DPP6: variants seen among roughly 807,000 people sequenced by gnomAD.
DPP6 encodes A-type potassium channel modulatory protein DPP6.
In DPP6, 69 loss-of-function variants were observed where a neutral mutation model predicts 122.6. The ratio of observed to expected loss-of-function variants is 0.56; its 90% CI spans 0.46 to 0.69. DPP6 has a LOEUF of 0.69. DPP6 is among the 30% of genes least tolerant of loss of function. The pLI, the probability that DPP6 is intolerant of heterozygous loss-of-function variation, is 0.00. For synonymous variants in DPP6, 418 were observed against 433.1 expected (o/e 0.97, Z 0.43); for missense variants, 928 against 1,116.9 (o/e 0.83, Z 2.41).
At chr7:154,337,271 G>A (rs6974419) in intron 1 of DPP6, among the ~76,000 whole-genome samples, 10,381 of 152,090 alleles carry the variant, frequency 0.068, 1,090 homozygotes, top group African/African-American at 0.23. Flanking sequence ...AAATGCCCCC[G>A]GCCAGGGTGG....
the DPP6 span, among the ~76,000 whole-genome samples, chr7:153,816,869 C>T: frequency 2.6e-5 from 4 of 152,004 alleles, no homozygotes; most frequent in Admixed American, 6.6e-5. Flanking sequence ...TCTTACCAAG[C>T]CTCTCTCCCC....
intron 1 of DPP6, among the ~76,000 whole-genome samples, chr7:153,952,066 A>C (rs1802243910): frequency 1.3e-5 from 2 of 152,276 alleles, no homozygotes; most frequent in Non-Finnish European, 1.5e-5. Context: ...AGAAAGAAAA[A>C]ACTACTGAAT....
At chr7:154,704,294 G>A (rs1840700250) in intron 7 of DPP6, among the ~76,000 whole-genome samples, 1 of 152,232 alleles carries the variant, frequency 6.6e-6, no homozygotes, top group African/African-American at 2.4e-5. Context: ...TTGCTTCTAG[G>A]AACGAGCAAA....
At chr7:154,291,192 A>G (rs868531011) in intron 1 of DPP6, among the ~76,000 whole-genome samples, 10 of 152,180 alleles carry the variant, frequency 6.6e-5, no homozygotes, top group African/African-American at 2.4e-4. Flanking sequence ...ACCTATTGGG[A>G]CCTTTTACTT....
chr7:154,027,549 A>G (rs943096430), intron 1 of DPP6, among the ~76,000 whole-genome samples: 11 of 152,034 alleles, frequency 7.2e-5, no homozygotes, highest in African/African-American at 2.4e-4. Context: ...CTCACCACCT[A>G]ATCACTCCCA....
chr7:153,837,471 C>A, the DPP6 span, among the ~76,000 whole-genome samples: 1 of 152,190 alleles, frequency 6.6e-6, no homozygotes, highest in Non-Finnish European at 1.5e-5. Flanking sequence ...CAATATGAGA[C>A]ACTGGATTCA....
chr7:154,266,059 C>T (rs1180683221), intron 1 of DPP6, among the ~76,000 whole-genome samples: 3 of 152,186 alleles, frequency 2.0e-5, no homozygotes, highest in African/African-American at 7.2e-5. Context: ...CCTCCCATCC[C>T]ATGCTCCTGG....
intron 1 of DPP6, among the ~76,000 whole-genome samples, chr7:154,313,712 T>TATATATATATATATATATGA: frequency 8.0e-5 from 2 of 24,924 alleles, no homozygotes; most frequent in East Asian, 1.0e-3. Flanking sequence ...TATATATATA[T>TATATATATATATATATATGA]ATACACACAC....
In DPP6 at chr7:154,023,318, G is replaced by GCACGCA. The variant is rs373378162; in HGVS notation, c.51+135587_51+135588insGCACAC. 1.3e-3 allele frequency among the ~76,000 whole-genome samples: 172 copies of GCACGCA among 129,608 alleles called. 4 individuals are homozygous for GCACGCA. The highest frequency in any genetic ancestry group is 5.2e-3 in the African/African-American group (161 of 31,170). 85.0% of individuals were successfully genotyped at this position (129,608 alleles called of 152,430 possible). ...CAGGCTCTGGAAATGTTTCTTGTCT[G>GCACGCA]CACACACACACACACACACACACAC... On this transcript the variant is annotated intron_variant, in intron 1 of 25. Transcript: ENST00000404039.
chr7:153,951,780 C>T (rs575443618), intron 1 of DPP6, among the ~76,000 whole-genome samples: 34 of 152,318 alleles, frequency 2.2e-4, no homozygotes, highest in African/African-American at 6.7e-4. Flanking sequence ...CAGTGGCTTA[C>T]ACCTCTAATC....
At chr7:153,991,336 T>C (rs1372297956) in intron 1 of DPP6, among the ~76,000 whole-genome samples, 1 of 152,008 alleles carries the variant, frequency 6.6e-6, no homozygotes, top group Non-Finnish European at 1.5e-5. Context: ...AAAAGAAAAA[T>C]AGGGAAGAAA....
At chr7:154,146,619 A>G (rs868220124) in intron 1 of DPP6, among the ~76,000 whole-genome samples, 8,922 of 149,454 alleles carry the variant, frequency 0.06, no homozygotes, top group African/African-American at 0.2. Flanking sequence ...GCTCAGACTC[A>G]TGTTGCCATC....
intron 1 of DPP6, among the ~76,000 whole-genome samples, chr7:154,276,885 C>T (rs566734994): frequency 1.1e-4 from 16 of 152,160 alleles, no homozygotes; most frequent in Admixed American, 2.6e-4. Flanking sequence ...TCATGGCCAA[C>T]GGTACTATAA....
At chr7:154,738,880 A>G (rs1842691623) in intron 8 of DPP6, among the ~76,000 whole-genome samples, 1 of 152,190 alleles carries the variant, frequency 6.6e-6, no homozygotes, top group Non-Finnish European at 1.5e-5. Flanking sequence ...TGCTGTGGGT[A>G]GCAAAAAACA....
At position 154,522,641 on chromosome 7, in the gene DPP6, T is replaced by A. The variant is rs148079154; in HGVS notation, c.458-17891T>A. On this transcript the variant is annotated intron_variant, in intron 3 of 25. Transcript: ENST00000377770. The stretch of plus-strand genomic sequence containing the variant: ...CTTTGTACCTCTTTGGAGCCCACAT[T>A]GCCTTCCTCTGACAATTTTTGTGAG... Among the ~76,000 whole-genome samples the A allele has an allele frequency of 2.4e-3, 359 of 152,280 alleles. 1 individual carries two copies. The highest frequency in any genetic ancestry group is 8.3e-3 in the African/African-American group (345 of 41,548).
At chr7:154,061,344 C>G (rs544102216) in intron 1 of DPP6, among the ~76,000 whole-genome samples, 726 of 147,934 alleles carry the variant, frequency 4.9e-3, no homozygotes, top group African/African-American at 0.017. Context: ...AAAGCCTTTT[C>G]CATTGTATGC....
rs1800816619 is a variant in DPP6, at chr7:154,833,754, A to G, written c.1667-20026A>G. On this transcript the variant is annotated intron_variant, in intron 16 of 25. Coordinates refer to ENST00000377770, the MANE Select transcript of DPP6 (RefSeq NM_130797.4). The surrounding 1 kb of genome is among the most constrained non-coding windows in gnomAD (Gnocchi z 4.3). Reference sequence around the variant, plus strand: ...AGTTAATAGCAGCTGATGAGTTTCCATTCTGTGCAAAAAATTACACTAAAA... The same window carrying G: ...AGTTAATAGCAGCTGATGAGTTTCCGTTCTGTGCAAAAAATTACACTAAAA... 6.6e-6 allele frequency among the ~76,000 whole-genome samples: 1 copy of G among 152,240 alleles called. No individual in the cohort carries two copies. The highest frequency in any genetic ancestry group is 2.1e-4 in the South Asian group (1 of 4,832).
chr7:154,512,497 G>C (rs1044321724), intron 3 of DPP6, among the ~76,000 whole-genome samples: 32 of 152,262 alleles, frequency 2.1e-4, no homozygotes, highest in African/African-American at 7.7e-4. Context: ...GTGAAGAAAA[G>C]AGAATGGCAA....
chr7:153,776,565 G>T, the DPP6 span, among the ~76,000 whole-genome samples: 1 of 152,052 alleles, frequency 6.6e-6, no homozygotes, highest in Non-Finnish European at 1.5e-5. Flanking sequence ...GTCTTTGTTA[G>T]CAGCATGAGA....
Sources: gnomAD v4.1 joint callset for allele counts (sites outside exome capture counted in the v4.1 genomes callset) on GRCh38, gnomAD v4.1.1 for gene constraint, Gnocchi (gnomAD v3.1) non-coding constraint, MANE v1.5 for transcripts, NCBI Gene and HGNC (gene_info 2026-07-23, HGNC 2026-07-21) for gene names.